The following FHIT variants were observed in gnomAD, a reference collection of about 807,000 sequenced individuals.
The protein encoded by FHIT is fragile histidine triad diadenosine triphosphatase, also known as bis(5'-adenosyl)-triphosphatase.
A neutral mutation model predicts 17.9 loss-of-function variants in FHIT; 19 were observed. The ratio of observed to expected loss-of-function variants is 1.06; its 90% CI spans 0.74 to 1.56. The LOEUF is 1.56. Among genes scored for constraint, FHIT ranks in the 40% most tolerant of loss-of-function variants. FHIT has a pLI of 0.00. For missense variants in FHIT, 248 were observed against 189.2 expected (o/e 1.31, Z -1.82); for synonymous variants, 81 against 69.7 (o/e 1.16, Z -0.81).
chr3:60,573,210 A>G (rs1222545478), intron 4 of FHIT, among the ~76,000 whole-genome samples: 1 of 152,132 alleles, frequency 6.6e-6, no homozygotes, highest in Admixed American at 6.5e-5. Flanking sequence ...TGAGGACAAC[A>G]TGGGGCACTG....
At chr3:60,351,457 C>T (rs60386258) in intron 5 of FHIT, among the ~76,000 whole-genome samples, 21,539 of 152,044 alleles carry the variant, frequency 0.14, 1,626 homozygotes, top group Non-Finnish European at 0.16. Flanking sequence ...CTTCCTTTGA[C>T]TTATAATTTT....
chr3:61,016,817 G>A (rs2032135649), intron 3 of FHIT, among the ~76,000 whole-genome samples: 1 of 152,208 alleles, frequency 6.6e-6, no homozygotes, highest in South Asian at 2.1e-4. Context: ...AAGCATACAG[G>A]CAATTTACAA....
intron 5 of FHIT, among the ~76,000 whole-genome samples, chr3:60,421,914 A>T (rs1411203278): frequency 6.6e-6 from 1 of 152,166 alleles, no homozygotes. Flanking sequence ...GGGCCATTGC[A>T]AAACTCCACT....
At chr3:59,852,511 G>T (rs1376913765) in intron 8 of FHIT, among the ~76,000 whole-genome samples, 1 of 152,052 alleles carries the variant, frequency 6.6e-6, no homozygotes, top group African/African-American at 2.4e-5. Context: ...TACAATTTGT[G>T]AACCTACAAG....
At chr3:60,744,120 C>T (rs2042294024) in intron 4 of FHIT, among the ~76,000 whole-genome samples, 1 of 151,904 alleles carries the variant, frequency 6.6e-6, no homozygotes, top group Admixed American at 6.6e-5. Context: ...CCTGAGACCA[C>T]AAAAGCTACT....
At chr3:60,899,073 T>A (rs970284578) in intron 3 of FHIT, among the ~76,000 whole-genome samples, 1 of 152,224 alleles carries the variant, frequency 6.6e-6, no homozygotes, top group South Asian at 2.1e-4. Flanking sequence ...ATGTAACTAC[T>A]ACAGATAAAT....
chr3:60,591,026 G>T (rs1319255370), intron 4 of FHIT, among the ~76,000 whole-genome samples: 1 of 152,000 alleles, frequency 6.6e-6, no homozygotes, highest in African/African-American at 2.4e-5. Context: ...ATGAAAGTCA[G>T]CAATAGTACC....
intron 3 of FHIT, among the ~76,000 whole-genome samples, chr3:60,991,634 T>C (rs7432066): frequency 0.11 from 17,041 of 152,188 alleles, 1,096 homozygotes; most frequent in Middle Eastern, 0.18. Context: ...GCCATCAATA[T>C]GCCATGTGAT....
chr3:60,334,408 T>A lies in FHIT; in HGVS notation c.103+202452A>T, dbSNP rs1213336470. The stretch of plus-strand genomic sequence containing the variant: ...TAATACAAGAGTCTCTAGACTTTAC[T>A]TTATATGAGGATGTTTAAACAATCC... On this transcript the variant is annotated intron_variant, in intron 5 of 9. Coordinates refer to ENST00000492590, the MANE Select transcript of FHIT (RefSeq NM_002012.4). 3.3e-5 allele frequency among the ~76,000 whole-genome samples: 5 copies of A among 152,184 alleles called. No homozygotes were observed. The East Asian group carries it at 9.6e-4, about 29-fold the overall frequency.
rs139496977 is a variant in FHIT at position 60,997,381 on chromosome 3, T to C, written c.-111+44666A>G. Among the ~76,000 whole-genome samples, 444 of 152,212 alleles carry C rather than the reference T, an allele frequency of 2.9e-3. 6 individuals carry two copies. The highest frequency in any genetic ancestry group is 9.9e-3 in the African/African-American group (413 of 41,532). ...TTTCTTTTCTTCTTTTTAGTAGGTG[T>C]CAATATTTTACATAAAGATCTAAAT... is the stretch of plus-strand genomic sequence containing the variant. On this transcript the variant is annotated intron_variant, in intron 3 of 9. Coordinates refer to ENST00000492590, the MANE Select transcript of FHIT (RefSeq NM_002012.4).
In FHIT at chr3:60,418,403, TATATATATATATATATATATATAC is replaced by T. The variant is rs1345616018; in HGVS notation, c.103+118433_103+118456del. ...ATATATATATATATATATATATATATATATATATATATATATATATATACGTGTATACACACACACCACAGACGA... is the reference window on the plus strand; with the variant it reads ...ATATATATATATATATATATATATATGTGTATACACACACACCACAGACGA... On this transcript the variant is annotated intron_variant, in intron 5 of 9. Coordinates refer to ENST00000492590, the MANE Select transcript of FHIT (RefSeq NM_002012.4). Among the ~76,000 whole-genome samples, 75 of 131,700 alleles carry T rather than the reference TATATATATATATATATATATATAC, an allele frequency of 5.7e-4. 8 individuals carry two copies. Among genetic ancestry groups the T allele is most frequent in the East Asian group, 3.0e-3 (14 of 4,640 alleles). 86.4% of individuals were successfully genotyped at this position (131,700 alleles called of 152,430 possible). A position where few individuals can be genotyped will look rare whatever the true frequency, so the allele number is the denominator to read the frequency against.
At chr3:60,981,295 C>CTTTTTTTTTTTTTT (rs71100934) in intron 3 of FHIT, among the ~76,000 whole-genome samples, 1 of 124,500 alleles carries the variant, frequency 8.0e-6, no homozygotes, top group Non-Finnish European at 1.6e-5. Context: ...TTCTTCCTTC[C>CTTTTTTTTTTTTTT]TTTTTTTTTT....
intron 3 of FHIT, among the ~76,000 whole-genome samples, chr3:60,964,017 T>A (rs1209046052): frequency 6.6e-6 from 1 of 152,190 alleles, no homozygotes; most frequent in Non-Finnish European, 1.5e-5. Flanking sequence ...ATCTGTCTAA[T>A]GTTGCCAGTG....
intron 1 of FHIT, among the ~76,000 whole-genome samples, chr3:61,218,670 G>T (rs2039752187): frequency 6.6e-6 from 1 of 152,164 alleles, no homozygotes; most frequent in Non-Finnish European, 1.5e-5. Flanking sequence ...AAGGTTGAAA[G>T]GGACAGGTGG....
At position 61,042,073 on chromosome 3, in the gene FHIT, C is replaced by T. The variant is rs547464904; in HGVS notation, c.-137G>A. ...TTCTTTCTCTTTCTCTCCCTTCCACCGTCTGGATGTAGATAGCACTACGGA... is the reference window on the plus strand; with the variant it reads ...TTCTTTCTCTTTCTCTCCCTTCCACTGTCTGGATGTAGATAGCACTACGGA... On this transcript the variant is annotated 5_prime_UTR_variant, in exon 3 of 10. Transcript: ENST00000492590. The T allele has an allele frequency of 4.6e-5, 7 of 152,252 alleles. No individual in the cohort carries two copies. Among genetic ancestry groups the T allele is most frequent in the East Asian group, 3.9e-4 (2 of 5,180 alleles). 9.4% of individuals were successfully genotyped at this position (152,252 alleles called of 1,614,324 possible).
At chr3:60,626,494 T>G (rs1297460796) in intron 4 of FHIT, among the ~76,000 whole-genome samples, 1 of 152,194 alleles carries the variant, frequency 6.6e-6, no homozygotes, top group Non-Finnish European at 1.5e-5. Flanking sequence ...TTTTCTCAGT[T>G]TCATTTTCTG....
chr3:60,266,444 T>C (rs1450844852), intron 5 of FHIT, among the ~76,000 whole-genome samples: 1 of 152,070 alleles, frequency 6.6e-6, no homozygotes, highest in African/African-American at 2.4e-5. Flanking sequence ...GGGTTTCTTT[T>C]GGTGGTGATG....
rs73100668 is a variant in FHIT at position 59,884,696 on chromosome 3, C to G, written c.348+37650G>C. ...ATTTTGAGGGTAGGTAGGGGAGTCACGCTATGGGACAGTAGGAAAATCCAC... is the reference window on the plus strand; with the variant it reads ...ATTTTGAGGGTAGGTAGGGGAGTCAGGCTATGGGACAGTAGGAAAATCCAC... On this transcript the variant is annotated intron_variant, in intron 8 of 9. Transcript: ENST00000492590. Among the ~76,000 whole-genome samples the G allele has an allele frequency of 2.6e-5, 4 of 152,166 alleles. No homozygotes were observed. The South Asian group carries it at 8.3e-4, about 32-fold the overall frequency.
intron 4 of FHIT, among the ~76,000 whole-genome samples, chr3:60,790,040 A>G (rs1240418274): frequency 2.0e-5 from 3 of 152,230 alleles, no homozygotes; most frequent in African/African-American, 7.2e-5. Context: ...TTACATATAA[A>G]TAGGCTAATA....
Sources: allele counts gnomAD v4.1 joint callset (sites outside exome capture counted in the v4.1 genomes callset), GRCh38; gene constraint gnomAD v4.1.1; transcripts MANE v1.5; gene names NCBI Gene and HGNC (gene_info 2026-07-23, HGNC 2026-07-21).